Variants in ULK2 observed in about 807,000 individuals in gnomAD.
ULK2 encodes serine/threonine-protein kinase ULK2.
A neutral mutation model predicts 127.5 loss-of-function variants in ULK2; 76 were observed. The observed-to-expected ratio is 0.60, with a 90% CI of 0.50 to 0.72. ULK2 has a LOEUF of 0.72. Among genes scored for constraint, ULK2 ranks in the 30% least tolerant of loss-of-function variants. The pLI, the probability that ULK2 is intolerant of heterozygous loss-of-function variation, is 0.00. For synonymous variants in ULK2, 452 were observed against 461.9 expected (o/e 0.98, Z 0.28); for missense variants, 1,144 against 1,295.9 (o/e 0.88, Z 1.80).
intron 3 of ULK2, chr17:19,855,878 G>C (rs1039535893): frequency 3.3e-5 from 5 of 152,106 alleles, no homozygotes; most frequent in African/African-American, 1.2e-4. Flanking sequence ...CACTGAGCAT[G>C]GTGGCACAGG....
intron 3 of ULK2, among the ~76,000 whole-genome samples, chr17:19,854,516 AAC>A (rs2042082639): frequency 6.6e-6 from 1 of 152,144 alleles, no homozygotes; most frequent in Admixed American, 6.5e-5. Context: ...AACTCTTTTT[AAC>A]AGTCTTACAG....
intron 23 of ULK2, 137 bp from the exon 24 acceptor site, chr17:19,781,241 T>TA: frequency 3.0e-5 from 19 of 627,910 alleles, no homozygotes; most frequent in Non-Finnish European, 3.9e-5. Flanking sequence ...TTCTTTCTTT[T>TA]CTTTTTTTTT....
Position 19,810,411 on chromosome 17 carries a change from C to T in ULK2, c.1124G>A (p.Arg375Lys). Residue 375 changes from arginine to lysine, a missense_variant, in exon 14 of 27, where the codon AGA (arginine) becomes AAA (lysine). Physicochemically the swap from Arg to Lys is conservative, Grantham distance 26. Coordinates refer to ENST00000395544, the MANE Select transcript of ULK2 (RefSeq NM_014683.4). ...CACCAAGAATTCATTTGAAGCACGT[C>T]TGCCAGCAGTCCCCACTGGCATATC... is the stretch of plus-strand genomic sequence containing the variant. ...SCDMPVGTAG[R>K]RASNEFLVCG... 1 of 1,608,264 alleles carries T rather than the reference C, an allele frequency of 6.2e-7. No individual in the cohort carries two copies. The highest frequency in any genetic ancestry group is 1.1e-5 in the South Asian group (1 of 90,594).
intron 14 of ULK2, among the ~76,000 whole-genome samples, chr17:19,805,687 AAGC>A (rs2152387436): frequency 6.6e-6 from 1 of 152,280 alleles, no homozygotes; most frequent in East Asian, 1.9e-4. Flanking sequence ...AGTGAGATAT[AAGC>A]AGAAGTCTTC....
intron 3 of ULK2, among the ~76,000 whole-genome samples, chr17:19,853,558 C>T (rs1017346232): frequency 1.3e-5 from 2 of 150,904 alleles, no homozygotes; most frequent in Admixed American, 6.6e-5. Context: ...AACATTCCTA[C>T]AATTCGGCCC....
chr17:19,781,988 C>T lies in ULK2; in HGVS notation c.2540G>A (p.Arg847Lys). 1.9e-6 allele frequency: 3 copies of T among 1,614,224 alleles called. No homozygotes were observed. The highest frequency in any genetic ancestry group is 2.5e-6 in the Non-Finnish European group (3 of 1,180,032). Residue 847 changes from arginine (R) to lysine (K), a missense_variant, in exon 23 of 27, where the codon AGG becomes AAG. This residue lies in a region of ULK2 where 913 missense variants were observed against 970.5 expected (regional missense o/e 0.94). Coordinates refer to ENST00000395544, the MANE Select transcript of ULK2 (RefSeq NM_014683.4). The stretch of plus-strand genomic sequence containing the variant: ...TGTGCACAGCTCAGGGTTTCCTCCC[C>T]TCATGGCTGTCAGGTCCAGCACACA... Reference protein sequence around the residue: ...TECVLDLTAMRGGNPELCTSA... With the variant: ...TECVLDLTAMKGGNPELCTSA...
intron 22 of ULK2, among the ~76,000 whole-genome samples, chr17:19,782,570 A>G (rs1168417349): frequency 6.6e-6 from 1 of 152,200 alleles, no homozygotes; most frequent in Non-Finnish European, 1.5e-5. Flanking sequence ...CAGTTAGTTA[A>G]AGAGGGGAGT....
At position 19,834,217 on chromosome 17, in the gene ULK2, C is replaced by CA. The variant is rs957619638; in HGVS notation, c.787+4283dup. Among the ~76,000 whole-genome samples the CA allele has an allele frequency of 1.7e-3, 232 of 132,982 alleles. 1 individual carries two copies. The highest frequency in any genetic ancestry group is 3.8e-3 in the African/African-American group (137 of 36,132). 87.2% of individuals were successfully genotyped at this position (132,982 alleles called of 152,430 possible). A position where few individuals can be genotyped will look rare whatever the true frequency, so the allele number is the denominator to read the frequency against. On this transcript the variant is annotated intron_variant, in intron 10 of 26. Coordinates refer to ENST00000395544, the MANE Select transcript of ULK2 (RefSeq NM_014683.4). ...TAACAACCAAGAATTCAGTATCTAC[C>CA]AAAAAAAAAAACACTTTTCCAAAGT...
At chr17:19,792,185 C>A (rs556544589) in intron 20 of ULK2, among the ~76,000 whole-genome samples, 2 of 151,734 alleles carry the variant, frequency 1.3e-5, no homozygotes, top group Non-Finnish European at 2.9e-5. Flanking sequence ...CAAGAGCAAA[C>A]GAAACCTAAA....
rs2041002225 is a variant in ULK2 at position 19,816,853 on chromosome 17, T to G, written c.992A>C (p.Tyr331Ser). Residue 331 changes from tyrosine (Y) to serine (S), a missense_variant, in exon 13 of 27, where the codon TAT (tyrosine) becomes TCT (serine). Around this residue, in one of 2 missense-constraint regions of ULK2, gnomAD observed 913 missense variants for 970.5 expected, o/e 0.94. Coordinates refer to ENST00000395544, the MANE Select transcript of ULK2 (RefSeq NM_014683.4). The stretch of plus-strand genomic sequence containing the variant: ...GGCAGAATCTTTGGAAACTTGTAGA[T>G]AGTTGGGAGGACCCAATGGTGGGGA... ...LSSPPLGPPN[Y>S]LQVSKDSAST... The G allele has an allele frequency of 6.2e-7, 1 of 1,612,872 alleles. No homozygotes were observed. Among genetic ancestry groups the G allele is most frequent in the Non-Finnish European group, 8.5e-7 (1 of 1,179,620 alleles).
Position 19,789,756 on chromosome 17 carries a change from A to G in ULK2, c.2102-3670T>C, listed in dbSNP as rs77247744. Among the ~76,000 whole-genome samples the G allele has an allele frequency of 4.7e-3, 722 of 152,232 alleles. 24 individuals carry two copies. The East Asian group carries it at 0.088, about 19-fold the overall frequency. On this transcript the variant is annotated intron_variant, in intron 20 of 26. Coordinates refer to ENST00000395544, the MANE Select transcript of ULK2 (RefSeq NM_014683.4). ...CAGAGGTGAAAAATGCAATTGACAC[A>G]CTGAAGAATGCAATGGAGTCTCTTA...
At chr17:19,833,937 A>C (rs2041528016) in intron 10 of ULK2, among the ~76,000 whole-genome samples, 1 of 152,204 alleles carries the variant, frequency 6.6e-6, no homozygotes, top group South Asian at 2.1e-4. Context: ...TTTGGTGAAA[A>C]ACATTTATTT....
intron 1 of ULK2, 68 bp downstream of exon 1, chr17:19,867,260 C>T: frequency 1.5e-6 from 2 of 1,308,284 alleles, no homozygotes; most frequent in Non-Finnish European, 2.0e-6. Context: ...GCGGCTGCGC[C>T]AAGTTTCAGA....
At chr17:19,796,320 T>C in intron 18 of ULK2, 38 bp from the exon 19 acceptor site, 1 of 1,533,408 alleles carries the variant, frequency 6.5e-7, no homozygotes, top group Non-Finnish European at 8.8e-7. Flanking sequence ...TGTAAACTAG[T>C]TAATACGATG....
chr17:19,781,799 G>C lies in ULK2; in HGVS notation c.2639+90C>G, dbSNP rs1377453238. 4 of 1,391,254 alleles carry C rather than the reference G, an allele frequency of 2.9e-6. No homozygotes were observed. The Admixed American group carries it at 8.8e-5, about 31-fold the overall frequency. 86.2% of individuals were successfully genotyped at this position (1,391,254 alleles called of 1,614,324 possible). On this transcript the variant is annotated intron_variant, in intron 23 of 26. Coordinates refer to ENST00000395544, the MANE Select transcript of ULK2 (RefSeq NM_014683.4). ...CTCCTAGCTTTTAATAATGAGATAT[G>C]ATCTTCAGTGGATGACAATACCTAC...
chr17:19,863,507 T>G (rs1012639721), intron 3 of ULK2, among the ~76,000 whole-genome samples: 1 of 151,294 alleles, frequency 6.6e-6, no homozygotes, highest in East Asian at 1.9e-4. Flanking sequence ...TTTTTTTTTT[T>G]TTTTTTTTTA....
chr17:19,852,677 C>T (rs1293850985), intron 3 of ULK2, among the ~76,000 whole-genome samples: 3 of 149,664 alleles, frequency 2.0e-5, no homozygotes, highest in African/African-American at 7.4e-5. Context: ...GTGGCCCAGG[C>T]TGGAGTGCAG....
rs1310290908 is a variant in ULK2, at chr17:19,773,197, A to T, written c.*3152T>A. 6.6e-6 allele frequency: 1 copy of T among 152,106 alleles called. No homozygotes were observed. The highest frequency in any genetic ancestry group is 1.5e-5 in the Non-Finnish European group (1 of 68,042). 9.4% of individuals were successfully genotyped at this position (152,106 alleles called of 1,614,324 possible). On this transcript the variant is annotated 3_prime_UTR_variant, in exon 27 of 27. Coordinates refer to ENST00000395544, the MANE Select transcript of ULK2 (RefSeq NM_014683.4). ...GAGGCTGAGGAAGAAGAATCACTTG[A>T]ACCTGGGAGGCAGAGGTTGCAGTGA...
In ULK2 at chr17:19,859,409, C is replaced by T. The variant is rs928625738; in HGVS notation, c.225+5394G>A. Among the ~76,000 whole-genome samples, 6 of 152,018 alleles carry T rather than the reference C, an allele frequency of 3.9e-5. No individual in the cohort carries two copies. The East Asian group carries it at 9.6e-4, about 24-fold the overall frequency. On this transcript the variant is annotated intron_variant, in intron 3 of 26. Transcript: ENST00000395544. ...TGGCAGGCACCTGTAATCCCAGCTA[C>T]TTGGGAGGCTGAGGCAAGAGAATCA...
Sources: allele counts gnomAD v4.1 joint callset (sites outside exome capture counted in the v4.1 genomes callset), GRCh38; gene constraint gnomAD v4.1.1; regional missense constraint gnomAD v4.1.1; transcripts MANE v1.5; gene names NCBI Gene and HGNC (gene_info 2026-07-23, HGNC 2026-07-21).